The following BRINP3 variants were observed in gnomAD, a reference collection of about 807,000 sequenced individuals.
BRINP3 encodes the protein BMP/retinoic acid-inducible neural-specific protein 3.
A neutral mutation model predicts 71.0 loss-of-function variants in BRINP3; 19 were observed. The observed-to-expected ratio is 0.27, with a 90% confidence interval of 0.19 to 0.39. BRINP3 has a LOEUF of 0.39. BRINP3 is among the 10% of genes least tolerant of loss of function. The pLI, the probability that BRINP3 is intolerant of heterozygous loss-of-function variation, is 1.00. For missense variants in BRINP3, 959 were observed against 940.8 expected (o/e 1.02, Z -0.25); for synonymous variants, 380 against 337.7 (o/e 1.13, Z -1.37).
intron 3 of BRINP3, among the ~76,000 whole-genome samples, chr1:190,269,701 A>G (rs1264365384): frequency 6.6e-6 from 1 of 152,112 alleles, no homozygotes; most frequent in Non-Finnish European, 1.5e-5. Flanking sequence ...AGTAATTGCT[A>G]TATTACTTTG....
chr1:190,461,646 T>C (rs907000222), intron 1 of BRINP3, among the ~76,000 whole-genome samples: 1 of 152,144 alleles, frequency 6.6e-6, no homozygotes, highest in Non-Finnish European at 1.5e-5. Context: ...TAAATGTTGA[T>C]GAAATAAGTA....
intron 4 of BRINP3, among the ~76,000 whole-genome samples, chr1:190,250,909 G>A (rs1022883545): frequency 7.9e-5 from 12 of 151,802 alleles, no homozygotes; most frequent in African/African-American, 2.2e-4. Context: ...GTATTGTAGC[G>A]TGGTTTTAAT....
chr1:190,169,583 C>A (rs1173125591), intron 6 of BRINP3, among the ~76,000 whole-genome samples: 6 of 152,104 alleles, frequency 3.9e-5, no homozygotes, highest in African/African-American at 1.4e-4. Context: ...TAACTGAGGC[C>A]TCAAGGGCAA....
At position 190,293,338 on chromosome 1, in the gene BRINP3, C is replaced by G. The variant is rs1033512510; in HGVS notation, c.237-11588G>C. 2.6e-5 allele frequency among the ~76,000 whole-genome samples: 4 copies of G among 151,954 alleles called. No individual in the cohort carries two copies. In the East Asian group the frequency reaches 7.7e-4, roughly 29 times the overall value. On this transcript the variant is annotated intron_variant, in intron 2 of 7. Transcript: ENST00000367462. ...TGTATTTGTACAGTTTCCATCATTC[C>G]TCTTGTTACTGATTTCTAGTTTTAG...
chr1:190,366,696 C>A (rs1276361102), intron 2 of BRINP3, among the ~76,000 whole-genome samples: 1 of 152,150 alleles, frequency 6.6e-6, no homozygotes, highest in East Asian at 1.9e-4. Flanking sequence ...TTCCTAGATA[C>A]AATGGGGGGT....
At chr1:190,383,250 G>C (rs997112443) in intron 2 of BRINP3, among the ~76,000 whole-genome samples, 2 of 152,018 alleles carry the variant, frequency 1.3e-5, no homozygotes, top group African/African-American at 4.8e-5. Context: ...ACAGTATTAA[G>C]ATAGCAATAA....
At chr1:190,281,078 T>C (rs1558141714) in intron 3 of BRINP3, among the ~76,000 whole-genome samples, 2 of 151,958 alleles carry the variant, frequency 1.3e-5, no homozygotes, top group African/African-American at 2.4e-5. Context: ...TACTTTCTTA[T>C]TATGCATCAT....
chr1:190,352,133 A>C (rs886311115), intron 2 of BRINP3, among the ~76,000 whole-genome samples: 3 of 152,076 alleles, frequency 2.0e-5, no homozygotes, highest in African/African-American at 7.2e-5. Context: ...AAAGGAAAAA[A>C]AATTTGTGTA....
intron 7 of BRINP3, among the ~76,000 whole-genome samples, chr1:190,099,465 A>C (rs972520619): frequency 5.3e-5 from 8 of 152,190 alleles, no homozygotes; most frequent in African/African-American, 1.4e-4. Context: ...CACATGGAAG[A>C]CCATTGTAAA....
In BRINP3 at chr1:190,392,458, A is replaced by T. The variant is rs565442027; in HGVS notation, c.236+62197T>A. ...AAAAGTGAGGTAACTTGACTTGGTT[A>T]CTCAGCTCAGACATAGTGCAACTGG... On this transcript the variant is annotated intron_variant, in intron 2 of 7. Transcript: ENST00000367462. Among the ~76,000 whole-genome samples, 17 of 151,634 alleles carry T rather than the reference A, an allele frequency of 1.1e-4. No homozygotes were observed. The South Asian group carries it at 1.9e-3, about 17-fold the overall frequency.
At chr1:190,291,456 A>G (rs565327311) in intron 2 of BRINP3, among the ~76,000 whole-genome samples, 1 of 152,260 alleles carries the variant, frequency 6.6e-6, no homozygotes, top group South Asian at 2.1e-4. Flanking sequence ...AATAAAAAGT[A>G]AAACAAATAA....
At chr1:190,473,187 G>A (rs1175909237) in intron 1 of BRINP3, among the ~76,000 whole-genome samples, 1 of 151,722 alleles carries the variant, frequency 6.6e-6, no homozygotes, top group Non-Finnish European at 1.5e-5. Context: ...TACACAATGA[G>A]CATATCTACT....
chr1:190,465,497 G>T (rs1026463990), intron 1 of BRINP3, among the ~76,000 whole-genome samples: 3 of 151,632 alleles, frequency 2.0e-5, no homozygotes, highest in East Asian at 1.9e-4. Flanking sequence ...TATATGATCC[G>T]CCTAGATATC....
chr1:190,098,235 G>A lies in BRINP3; in HGVS notation c.2084C>T (p.Ser695Phe), dbSNP rs1651369102. The A allele has an allele frequency of 6.2e-7, 1 of 1,614,004 alleles. No homozygotes were observed. The highest frequency in any genetic ancestry group is 1.7e-5 in the Admixed American group (1 of 59,990). ...LQLDYPYTQG[S>F]QDSALLQLLE... ...TAGTTGCAAAAGTGCTGAATCCTGG[G>A]ATCCCTGAGTATAGGGGTAGTCCAG... The change falls in exon 8 of 8, where the codon TCC becomes TTC. Residue 695 changes from serine (S) to phenylalanine (F), a missense_variant. Ser to Phe is a radical substitution (Grantham distance 155). Coordinates refer to ENST00000367462, the MANE Select transcript of BRINP3 (RefSeq NM_199051.3).
chr1:190,321,543 A>C (rs1452426833), intron 2 of BRINP3, among the ~76,000 whole-genome samples: 1 of 152,138 alleles, frequency 6.6e-6, no homozygotes, highest in Non-Finnish European at 1.5e-5. Flanking sequence ...TAAATGTTTT[A>C]TTAAGTAATA....
At chr1:190,445,442 G>A (rs927859087) in intron 2 of BRINP3, among the ~76,000 whole-genome samples, 2 of 152,058 alleles carry the variant, frequency 1.3e-5, no homozygotes, top group Non-Finnish European at 2.9e-5. Flanking sequence ...AAAGCAGAAA[G>A]GACATAATGA....
Position 190,245,036 on chromosome 1 carries a change from T to C in BRINP3, c.619-10559A>G, listed in dbSNP as rs185773892. 3.3e-5 allele frequency among the ~76,000 whole-genome samples: 5 copies of C among 152,158 alleles called. No individual in the cohort carries two copies. The East Asian group carries it at 9.7e-4, about 30-fold the overall frequency. On this transcript the variant is annotated intron_variant, in intron 4 of 7. Transcript: ENST00000367462. ...TATCAAAAGCTTCTGTCCTAAATAA[T>C]AGGACAACTAATACCTGTGCACAGA...
intron 7 of BRINP3, among the ~76,000 whole-genome samples, chr1:190,145,308 C>G (rs578123919): frequency 6.6e-6 from 1 of 152,242 alleles, no homozygotes; most frequent in East Asian, 1.9e-4. Context: ...TGTCATGCAA[C>G]TTTACTGAAT....
At position 190,099,154 on chromosome 1, in the gene BRINP3, C is replaced by T. The variant is rs1410825328; in HGVS notation, c.1185-20G>A. The T allele has an allele frequency of 1.2e-6, 2 of 1,603,540 alleles. No individual in the cohort carries two copies. The highest frequency in any genetic ancestry group is 1.3e-5 in the African/African-American group (1 of 74,582). On this transcript the variant is annotated intron_variant, in intron 7 of 7. Transcript: ENST00000367462. ...GAGGTTCTAGAAATACAAAACAGAACGAATCTACATAAATACAAAGATATT... is the reference window on the plus strand; with the variant it reads ...GAGGTTCTAGAAATACAAAACAGAATGAATCTACATAAATACAAAGATATT...
Sources: gnomAD v4.1 joint callset for allele counts (sites outside exome capture counted in the v4.1 genomes callset) on GRCh38, gnomAD v4.1.1 for gene constraint, MANE v1.5 for transcripts, NCBI Gene and HGNC (gene_info 2026-07-23, HGNC 2026-07-21) for gene names.